SEMA5A: variants seen among roughly 807,000 people sequenced by gnomAD.
The protein encoded by SEMA5A is semaphorin 5A.
SEMA5A carries 55 observed loss-of-function variants against 135.5 expected under a neutral mutation model. That is an observed-to-expected ratio of 0.41 (90% CI 0.33 to 0.51). SEMA5A has a LOEUF of 0.51. SEMA5A is among the 20% of genes least tolerant of loss of function. The probability of loss-of-function intolerance (pLI) is 0.37; values close to 1 mark genes in which losing one functional copy is unlikely to be tolerated. For missense variants in SEMA5A, 1,290 were observed against 1,419.9 expected, an observed-to-expected ratio of 0.91 and a Z score of 1.47; for synonymous variants, 580 against 546.5, an observed-to-expected ratio of 1.06 and a Z score of -0.85.
chr5:9,356,394 T>C (rs1754448810), intron 3 of SEMA5A, among the ~76,000 whole-genome samples: 1 of 152,134 alleles, frequency 6.6e-6, no homozygotes, highest in Non-Finnish European at 1.5e-5. Context: ...ATGTAACAGA[T>C]GTTACAGTAA....
At chr5:9,094,758 G>A (rs1281290694) in intron 16 of SEMA5A, among the ~76,000 whole-genome samples, 1 of 152,172 alleles carries the variant, frequency 6.6e-6, no homozygotes, top group Non-Finnish European at 1.5e-5. Context: ...AATTTCGTGG[G>A]ATTAGGATAG....
chr5:9,458,805 G>A (rs1489722294), intron 1 of SEMA5A, among the ~76,000 whole-genome samples: 2 of 152,166 alleles, frequency 1.3e-5, no homozygotes, highest in Non-Finnish European at 2.9e-5. Flanking sequence ...AATGACAAAC[G>A]ACAGATACAA....
chr5:9,257,725 G>A (rs542001031), intron 5 of SEMA5A, among the ~76,000 whole-genome samples: 16 of 152,166 alleles, frequency 1.1e-4, no homozygotes, highest in African/African-American at 3.9e-4. Flanking sequence ...AGAACCCCCA[G>A]CATTACAACC....
At position 9,122,734 on chromosome 5, in the gene SEMA5A, C is replaced by A; in HGVS notation, c.1703G>T (p.Arg568Leu). ...CTGCGGGGCCGGGCTGTCGCAGGAGCGGGTTCGACAGAGGCAGGATCCCAC... is the reference window on the plus strand; with the variant it reads ...CTGCGGGGCCGGGCTGTCGCAGGAGAGGGTTCGACAGAGGCAGGATCCCAC... Reference protein sequence around the residue: ...SAVGSCLCRTRSCDSPAPQCG... With the variant: ...SAVGSCLCRTLSCDSPAPQCG... Residue 568 changes from arginine (R) to leucine (L), a missense_variant, in exon 14 of 23, where the codon CGC (arginine) becomes CTC (leucine). Arg to Leu is a moderately radical substitution (Grantham distance 102). Coordinates refer to ENST00000382496, the MANE Select transcript of SEMA5A (RefSeq NM_003966.3). The A allele has an allele frequency of 1.2e-6, 2 of 1,613,500 alleles. No homozygotes were observed. Among genetic ancestry groups the A allele is most frequent in the Non-Finnish European group, 1.7e-6 (2 of 1,179,828 alleles).
chr5:9,431,588 C>A (rs1168985478), intron 2 of SEMA5A, among the ~76,000 whole-genome samples: 1 of 151,722 alleles, frequency 6.6e-6, no homozygotes, highest in Non-Finnish European at 1.5e-5. Flanking sequence ...TGCAGCCCTG[C>A]AGCTATAGAG....
intron 16 of SEMA5A, among the ~76,000 whole-genome samples, chr5:9,105,255 T>C (rs1739850722): frequency 6.6e-6 from 1 of 152,200 alleles, no homozygotes; most frequent in African/African-American, 2.4e-5. Flanking sequence ...TTTATTGAGA[T>C]TCAAATAAAG....
intron 11 of SEMA5A, among the ~76,000 whole-genome samples, chr5:9,156,630 G>C (rs1742971617): frequency 6.6e-6 from 1 of 152,206 alleles, no homozygotes; most frequent in East Asian, 1.9e-4. Context: ...AGAAGTTCAG[G>C]GGTGGGTGGC....
chr5:9,154,558 G>A lies in SEMA5A; in HGVS notation c.1411C>T (p.Leu471=), dbSNP rs776139361. The change falls in exon 12 of 23, where the codon CTG becomes TTG. Residue 471 remains leucine, a synonymous_variant. Transcript: ENST00000382496. ...SLQILHSQSV[L]FVGLREHVVK... is the part of the protein sequence containing the mutation. ...ACGTGCTCCCGCAGGCCCACGAACA[G>A]GACACTCTGGCTGTGCAGGATCTGC... 2 of 1,613,352 alleles carry A rather than the reference G, an allele frequency of 1.2e-6. No individual in the cohort carries two copies. Among genetic ancestry groups the A allele is most frequent in the Non-Finnish European group, 1.7e-6 (2 of 1,179,968 alleles).
Position 9,237,811 on chromosome 5 carries a change from A to G in SEMA5A, c.333+17T>C, listed in dbSNP as rs767610432. On this transcript the variant is annotated intron_variant, in intron 6 of 22. Transcript: ENST00000382496. ...TCAAGACAGGGTGATGGCTGCTCAT[A>G]ATTGCATTCTTCTTACCTTTGATTT... The G allele has an allele frequency of 6.2e-7, 1 of 1,612,548 alleles. No individual in the cohort carries two copies. Among genetic ancestry groups the G allele is most frequent in the East Asian group, 2.2e-5 (1 of 44,866 alleles).
At chr5:9,343,757 C>T (rs144711935) in intron 3 of SEMA5A, among the ~76,000 whole-genome samples, 1 of 152,154 alleles carries the variant, frequency 6.6e-6, no homozygotes, top group East Asian at 1.9e-4. Context: ...GTTTACTATG[C>T]TGTGTCTTGC....
At chr5:9,221,426 C>T (rs1480051294) in intron 8 of SEMA5A, among the ~76,000 whole-genome samples, 1 of 150,940 alleles carries the variant, frequency 6.6e-6, no homozygotes, top group Non-Finnish European at 1.5e-5. Context: ...CCTCAGCCTC[C>T]CGAGTAGCTG....
chr5:9,433,037 T>C (rs1307603768), intron 2 of SEMA5A, among the ~76,000 whole-genome samples: 1 of 152,196 alleles, frequency 6.6e-6, no homozygotes, highest in African/African-American at 2.4e-5. Flanking sequence ...GGTTCTAAAC[T>C]AGGTCTCTAT....
chr5:9,392,077 T>C (rs1202043750), intron 2 of SEMA5A, among the ~76,000 whole-genome samples: 1 of 152,166 alleles, frequency 6.6e-6, no homozygotes, highest in East Asian at 1.9e-4. Context: ...CCTTAGATCC[T>C]AGATCTTTTT....
intron 16 of SEMA5A, among the ~76,000 whole-genome samples, chr5:9,084,399 A>C (rs947137958): frequency 6.6e-6 from 1 of 152,124 alleles, no homozygotes; most frequent in Non-Finnish European, 1.5e-5. Context: ...CCCCACCCAA[A>C]TCTCATCTTG....
intron 1 of SEMA5A, among the ~76,000 whole-genome samples, chr5:9,454,955 C>T (rs374977821): frequency 9.2e-5 from 14 of 152,328 alleles, no homozygotes; most frequent in African/African-American, 2.2e-4. Flanking sequence ...GATACACGTA[C>T]TATTTTGCAA....
chr5:9,381,942 T>TTTTGTGTGTGTG (rs3221787), intron 2 of SEMA5A, among the ~76,000 whole-genome samples: 28 of 109,304 alleles, frequency 2.6e-4, no homozygotes, highest in Non-Finnish European at 1.3e-4. Context: ...TAGAATCATT[T>TTTTGTGTGTGTG]TGTGTGTGTG....
intron 9 of SEMA5A, among the ~76,000 whole-genome samples, chr5:9,198,646 G>A (rs1745543925): frequency 6.6e-6 from 1 of 152,186 alleles, no homozygotes; most frequent in African/African-American, 2.4e-5. Flanking sequence ...ACAGGGCCTG[G>A]CGCTGGAAAA....
chr5:9,533,889 G>T (rs1304340855), intron 1 of SEMA5A, among the ~76,000 whole-genome samples: 1 of 152,094 alleles, frequency 6.6e-6, no homozygotes, highest in Non-Finnish European at 1.5e-5. Context: ...TAAAACATCT[G>T]ACATAAACTG....
chr5:9,189,940 C>T (rs567553625), intron 11 of SEMA5A, among the ~76,000 whole-genome samples: 2 of 152,330 alleles, frequency 1.3e-5, no homozygotes, highest in East Asian at 3.9e-4. Flanking sequence ...CATCTTCCAA[C>T]AAAGCATACC....
Sources: gnomAD v4.1 joint callset for allele counts (sites outside exome capture counted in the v4.1 genomes callset) on GRCh38, gnomAD v4.1.1 for gene constraint, MANE v1.5 for transcripts, NCBI Gene and HGNC (gene_info 2026-07-23, HGNC 2026-07-21) for gene names.